DIP2B: variants seen among roughly 807,000 people sequenced by gnomAD.
DIP2B encodes DIP2 acetate--CoA ligase B (putative).
Under a neutral mutation model 198.0 loss-of-function variants are expected in DIP2B, and 76 were observed. The ratio of observed to expected loss-of-function variants is 0.38; its 90% CI spans 0.32 to 0.46. The LOEUF is 0.46. Among genes scored for constraint, DIP2B ranks in the 20% least tolerant of loss-of-function variants. The pLI, the probability that DIP2B is intolerant of heterozygous loss-of-function variation, is 0.99. For synonymous variants in DIP2B, 701 were observed against 739.1 expected, an observed-to-expected ratio of 0.95 and a Z score of 0.84; for missense variants, 1,559 against 1,978.4, an observed-to-expected ratio of 0.79 and a Z score of 4.02.
At chr12:50,625,897 G>T (rs1002273315) in intron 1 of DIP2B, 79 bp from the exon 2 acceptor site, 4 of 1,468,808 alleles carry the variant, frequency 2.7e-6, no homozygotes, top group Non-Finnish European at 3.8e-6. Context: ...CTATAACTCT[G>T]TAATTAATTT....
intron 1 of DIP2B, among the ~76,000 whole-genome samples, chr12:50,586,494 C>G (rs1373122701): frequency 6.6e-6 from 1 of 152,188 alleles, no homozygotes; most frequent in Non-Finnish European, 1.5e-5. Flanking sequence ...TTAAAAAAAA[C>G]TTGAAGAAGT....
At chr12:50,621,770 G>A (rs143582836) in intron 1 of DIP2B, among the ~76,000 whole-genome samples, 5 of 152,168 alleles carry the variant, frequency 3.3e-5, no homozygotes, top group African/African-American at 1.2e-4. Context: ...AAAACGGGGA[G>A]GGGGAGCATT....
chr12:50,525,651 T>C (rs1958157555), intron 1 of DIP2B, among the ~76,000 whole-genome samples: 1 of 151,820 alleles, frequency 6.6e-6, no homozygotes, highest in Admixed American at 6.6e-5. Flanking sequence ...TAGCTGAGAC[T>C]ATAGGTTTGC....
At chr12:50,635,274 T>C (rs1218225348) in intron 2 of DIP2B, among the ~76,000 whole-genome samples, 1 of 152,218 alleles carries the variant, frequency 6.6e-6, no homozygotes, top group Admixed American at 6.5e-5. Context: ...GTGAATTGTG[T>C]TTATCTCCTG....
At chr12:50,536,276 C>CATAT (rs1449481336) in intron 1 of DIP2B, among the ~76,000 whole-genome samples, 5 of 143,994 alleles carry the variant, frequency 3.5e-5, no homozygotes, top group Non-Finnish European at 7.9e-5. Context: ...TACGTGCATA[C>CATAT]ATACATACAT....
intron 28 of DIP2B, among the ~76,000 whole-genome samples, chr12:50,727,257 G>T (rs1305422856): frequency 6.6e-6 from 1 of 152,180 alleles, no homozygotes; most frequent in Non-Finnish European, 1.5e-5. Flanking sequence ...TGCTTTTTGA[G>T]CATTTCTTCA....
intron 5 of DIP2B, 117 bp from the exon 6 acceptor site, chr12:50,674,357 A>C: frequency 2.9e-6 from 3 of 1,047,366 alleles, no homozygotes; most frequent in Non-Finnish European, 4.1e-6. Flanking sequence ...TTGTTTTACA[A>C]GAGCCAGTGC....
intron 1 of DIP2B, among the ~76,000 whole-genome samples, chr12:50,535,207 G>A (rs992646796): frequency 1.3e-5 from 2 of 152,084 alleles, no homozygotes; most frequent in African/African-American, 4.8e-5. Flanking sequence ...ACTCCAGCCT[G>A]TGAGACAGAG....
rs187163444 is a variant in DIP2B at position 50,587,958 on chromosome 12, C to T, written c.101-38018C>T. ...CAAGGAAATTTCAAAAAAATTATCT[C>T]GAGATAATTTGCTTTTATAAAAATA... On this transcript the variant is annotated intron_variant, in intron 1 of 37. Coordinates refer to ENST00000301180, the MANE Select transcript of DIP2B (RefSeq NM_173602.3). Among the ~76,000 whole-genome samples, 19 of 152,140 alleles carry T rather than the reference C, an allele frequency of 1.2e-4. No individual in the cohort carries two copies. The East Asian group carries it at 2.9e-3, about 23-fold the overall frequency.
rs1940112876 is a variant in DIP2B, at chr12:50,735,077, C to T, written c.4048C>T (p.Arg1350Cys). Residue 1350 changes from arginine (R) to cysteine (C), a missense_variant, in exon 34 of 38, where the codon CGT becomes TGT. Physicochemically the swap from Arg to Cys is radical, Grantham distance 180. Coordinates refer to ENST00000301180, the MANE Select transcript of DIP2B (RefSeq NM_173602.3). ...DLKSLRHDRV[R>C]LVERGAPQSL... The stretch of plus-strand genomic sequence containing the variant: ...GTAAATACCGTTCTTCTGCAGGGTT[C>T]GTCTCGTGGAACGTGGCGCCCCTCA... The T allele has an allele frequency of 2.5e-6, 4 of 1,614,050 alleles. No individual in the cohort carries two copies. Among genetic ancestry groups the T allele is most frequent in the Non-Finnish European group, 2.5e-6 (3 of 1,180,010 alleles).
chr12:50,707,802 C>T (rs1009816851), intron 21 of DIP2B, among the ~76,000 whole-genome samples: 1 of 152,088 alleles, frequency 6.6e-6, no homozygotes, highest in Non-Finnish European at 1.5e-5. Context: ...GGAGACCTCC[C>T]TCAGAACCAA....
At position 50,560,396 on chromosome 12, in the gene DIP2B, C is replaced by CA. The variant is rs1243608970; in HGVS notation, c.100+55169dup. Among the ~76,000 whole-genome samples, 186 of 115,730 alleles carry CA rather than the reference C, an allele frequency of 1.6e-3. 1 individual carries two copies. The highest frequency in any genetic ancestry group is 9.0e-3 in the East Asian group (37 of 4,104). 75.9% of individuals were successfully genotyped at this position (115,730 alleles called of 152,430 possible). On this transcript the variant is annotated intron_variant, in intron 1 of 37. Transcript: ENST00000301180. ...GGGCAACGGAGCAAGACTCCATCTCCAAAAAAAAAAAAAGCAAAAAACTTA... is the reference window on the plus strand; with the variant it reads ...GGGCAACGGAGCAAGACTCCATCTCCAAAAAAAAAAAAAAGCAAAAAACTTA...
chr12:50,578,126 C>T (rs1958679969), intron 1 of DIP2B, among the ~76,000 whole-genome samples: 1 of 152,178 alleles, frequency 6.6e-6, no homozygotes, highest in Non-Finnish European at 1.5e-5. Context: ...ATTCTCATGC[C>T]TCAGCCTCCC....
chr12:50,622,224 G>C (rs928738445), intron 1 of DIP2B, among the ~76,000 whole-genome samples: 1 of 152,254 alleles, frequency 6.6e-6, no homozygotes, highest in Admixed American at 6.5e-5. Flanking sequence ...GGTTTACTTG[G>C]TAGGCTTCTG....
Position 50,549,170 on chromosome 12 carries a change from T to TAAAA in DIP2B, c.100+43942_100+43945dup, listed in dbSNP as rs780278216. On this transcript the variant is annotated intron_variant, in intron 1 of 37. Transcript: ENST00000301180. ...TCAGGGACGAAAGTGGGGGCTGGTT[T>TAAAA]AAAAAAAAAAAAAAAGGGCTGGGCG... 0.012 allele frequency among the ~76,000 whole-genome samples: 1,622 copies of TAAAA among 137,480 alleles called. 51 individuals carry two copies. In the East Asian group the frequency reaches 0.14, roughly 12 times the overall value. The allele number at this position is 137,480 out of a possible 152,430, so 90.2% of individuals were successfully genotyped here. A position where few individuals can be genotyped will look rare whatever the true frequency, so the allele number is the denominator to read the frequency against.
chr12:50,534,342 T>G (rs1168387095), intron 1 of DIP2B, among the ~76,000 whole-genome samples: 4 of 151,398 alleles, frequency 2.6e-5, no homozygotes, highest in Admixed American at 6.6e-5. Flanking sequence ...ACCCAATGAC[T>G]GGACTCTTTT....
chr12:50,723,696 G>A (rs1258660759), intron 27 of DIP2B, among the ~76,000 whole-genome samples: 1 of 151,958 alleles, frequency 6.6e-6, no homozygotes, highest in African/African-American at 2.4e-5. Context: ...GGTTAGAAGT[G>A]AGCTGAGATT....
chr12:50,549,187 G>A (rs1958403711), intron 1 of DIP2B, among the ~76,000 whole-genome samples: 1 of 150,086 alleles, frequency 6.7e-6, no homozygotes, highest in Non-Finnish European at 1.5e-5. Flanking sequence ...AAAAAAAAAG[G>A]GCTGGGCGCG....
intron 1 of DIP2B, among the ~76,000 whole-genome samples, chr12:50,505,836 T>A (rs1366387451): frequency 6.6e-6 from 1 of 151,954 alleles, no homozygotes; most frequent in Non-Finnish European, 1.5e-5. Context: ...ACGGTGCTGC[T>A]TTTAGACCAC....
Sources: gnomAD v4.1 joint callset for allele counts (sites outside exome capture counted in the v4.1 genomes callset) on GRCh38, gnomAD v4.1.1 for gene constraint, MANE v1.5 for transcripts, NCBI Gene and HGNC (gene_info 2026-07-23, HGNC 2026-07-21) for gene names.